ZNF331: variants seen among roughly 807,000 people sequenced by gnomAD.
ZNF331 encodes zinc finger protein 331.
A neutral mutation model predicts 7.0 loss-of-function variants in ZNF331; 2 were observed. The ratio of observed to expected loss-of-function variants is 0.29; its 90% confidence interval spans 0.12 to 0.90. The LOEUF is 0.90. Ranked by LOEUF, ZNF331 falls within the 40% of genes least tolerant of loss-of-function variation. ZNF331 has a pLI of 0.58. For synonymous variants in ZNF331, 196 were observed against 205.4 expected, an observed-to-expected ratio of 0.95 and a Z score of 0.39; for missense variants, 432 against 587.7, an observed-to-expected ratio of 0.74 and a Z score of 2.74.
Position 53,560,110 on chromosome 19 carries a change from A to G in ZNF331, c.-74+4202A>G, listed in dbSNP as rs1409933438. On this transcript the variant is annotated intron_variant, in intron 3 of 5. Transcript: ENST00000449416. This position sits in a 1 kb window ranked among gnomAD's most constrained non-coding sequence, Gnocchi z 4.3. ...ATATACACACATATACCCACACCAT[A>G]CACACACATATATACACACACCATA... Among the ~76,000 whole-genome samples, 1 of 151,242 alleles carries G rather than the reference A, an allele frequency of 6.6e-6. No homozygotes were observed. Among genetic ancestry groups the G allele is most frequent in the Non-Finnish European group, 1.5e-5 (1 of 67,846 alleles).
At chr19:53,525,372 C>G (rs536054325) in intron 2 of ZNF331, among the ~76,000 whole-genome samples, 2 of 152,170 alleles carry the variant, frequency 1.3e-5, no homozygotes, top group African/African-American at 4.8e-5. Context: ...GCCATTTTCA[C>G]GATATTGATT....
intron 3 of ZNF331, among the ~76,000 whole-genome samples, chr19:53,559,097 G>A (rs761086639): frequency 1.4e-4 from 19 of 136,660 alleles, no homozygotes; most frequent in Non-Finnish European, 2.9e-4. Context: ...CCTACATATA[G>A]AGACACATAT....
chr19:53,543,954 C>G (rs146521274), intron 2 of ZNF331, among the ~76,000 whole-genome samples: 1 of 152,116 alleles, frequency 6.6e-6, no homozygotes, highest in African/African-American at 2.4e-5. Flanking sequence ...TCAAGCCAGA[C>G]GCGGTGGCTC....
At chr19:53,508,386 C>A in the ZNF331 span, among the ~76,000 whole-genome samples, 2 of 152,154 alleles carry the variant, frequency 1.3e-5, no homozygotes, top group African/African-American at 4.8e-5. Context: ...CTTTTGGGAC[C>A]ATTTTCACTC....
chr19:53,551,657 A>G (rs1411286489), intron 2 of ZNF331, among the ~76,000 whole-genome samples: 1 of 152,190 alleles, frequency 6.6e-6, no homozygotes, highest in Non-Finnish European at 1.5e-5. Context: ...CCTTGGGAAA[A>G]AAAATAGGAG....
At chr19:53,525,750 A>G (rs2087270028) in intron 2 of ZNF331, among the ~76,000 whole-genome samples, 1 of 152,218 alleles carries the variant, frequency 6.6e-6, no homozygotes, top group Non-Finnish European at 1.5e-5. Flanking sequence ...CAGGAACAGT[A>G]TAACTTCTTC....
chr19:53,575,326 T>C (rs1022413077), intron 5 of ZNF331, among the ~76,000 whole-genome samples: 19 of 152,132 alleles, frequency 1.2e-4, no homozygotes, highest in Admixed American at 7.9e-4. Context: ...TATGAACTTA[T>C]AGATTTAAAC....
intron 3 of ZNF331, among the ~76,000 whole-genome samples, chr19:53,559,825 C>T (rs1465578177): frequency 4.6e-5 from 7 of 150,858 alleles, no homozygotes; most frequent in South Asian, 2.1e-4. Flanking sequence ...CCATAACACA[C>T]GTATATACAT....
chr19:53,567,230 A>G lies in ZNF331; in HGVS notation c.-73-2074A>G, dbSNP rs150290633. ...CAGATGTCACCTCTGGTATACAAAA[A>G]AAACAGTTCTGTATATTACCTGAGC... On this transcript the variant is annotated intron_variant, in intron 3 of 5. Coordinates refer to ENST00000449416, the MANE Select transcript of ZNF331 (RefSeq NM_001079906.2). Among the ~76,000 whole-genome samples the G allele has an allele frequency of 2.0e-3, 305 of 152,288 alleles. 1 individual carries two copies. The highest frequency in any genetic ancestry group is 1.9e-3 in the Non-Finnish European group (129 of 68,014).
At chr19:53,568,778 T>G (rs1329125511) in intron 3 of ZNF331, among the ~76,000 whole-genome samples, 1 of 147,614 alleles carries the variant, frequency 6.8e-6, no homozygotes, top group South Asian at 2.2e-4. Flanking sequence ...AAGTAAAGCC[T>G]CCTCTGCTGT....
chr19:53,549,707 AAAT>A (rs1476527562), intron 2 of ZNF331, among the ~76,000 whole-genome samples: 5 of 150,474 alleles, frequency 3.3e-5, no homozygotes, highest in Non-Finnish European at 5.9e-5. Context: ...AAAAAAAAAA[AAAT>A]TTTTTTTTAA....
intron 3 of ZNF331, among the ~76,000 whole-genome samples, chr19:53,562,020 C>T (rs12985531): frequency 0.32 from 47,944 of 151,810 alleles, 8,346 homozygotes; most frequent in South Asian, 0.55. Flanking sequence ...TGGTGGCGCG[C>T]GCCTGTAATC....
upstream of ZNF331, among the ~76,000 whole-genome samples, chr19:53,516,608 A>T (rs1000385610): frequency 6.6e-6 from 1 of 152,156 alleles, no homozygotes; most frequent in Non-Finnish European, 1.5e-5. Flanking sequence ...CCTAACACCC[A>T]GGAGGGTCCC....
At position 53,569,155 on chromosome 19, in the gene ZNF331, C is replaced by T; in HGVS notation, c.-73-149C>T. 1.2e-5 allele frequency: 6 copies of T among 516,128 alleles called. No individual in the cohort carries two copies. In the South Asian group the frequency reaches 1.4e-4, roughly 12 times the overall value. 32.0% of individuals were successfully genotyped at this position (516,128 alleles called of 1,614,324 possible). On this transcript the variant is annotated intron_variant, in intron 3 of 5. Transcript: ENST00000449416. ...ACAGGCGTGAGCCACCGCACCTGGCCTGATCCATGATACTCTTCACCTTTC... is the reference window on the plus strand; with the variant it reads ...ACAGGCGTGAGCCACCGCACCTGGCTTGATCCATGATACTCTTCACCTTTC...
At chr19:53,556,167 C>T (rs1335127959) in intron 3 of ZNF331, among the ~76,000 whole-genome samples, 1 of 149,190 alleles carries the variant, frequency 6.7e-6, no homozygotes, top group Non-Finnish European at 1.5e-5. Flanking sequence ...GGCGGGAACC[C>T]GGGAGGCGGA....
At chr19:53,568,045 T>C (rs887174047) in intron 3 of ZNF331, among the ~76,000 whole-genome samples, 1 of 151,940 alleles carries the variant, frequency 6.6e-6, no homozygotes, top group Non-Finnish European at 1.5e-5. Flanking sequence ...GGTCGGGAGT[T>C]TGAGACCAGC....
chr19:53,566,284 AGGTTTGGTTT>A (rs570144876), intron 3 of ZNF331, among the ~76,000 whole-genome samples: 2 of 151,894 alleles, frequency 1.3e-5, no homozygotes, highest in East Asian at 1.9e-4. Flanking sequence ...TGCTGGTGCA[AGGTTTGGTTT>A]GGTTTGGTTT....
chr19:53,506,462 C>CTG, the ZNF331 span, among the ~76,000 whole-genome samples: 307 of 137,368 alleles, frequency 2.2e-3, 3 homozygotes, highest in African/African-American at 8.2e-3. Context: ...CTCTCTCTCT[C>CTG]TCTCTCTCTC....
At chr19:53,543,504 C>T (rs897138452) in intron 2 of ZNF331, among the ~76,000 whole-genome samples, 22 of 150,984 alleles carry the variant, frequency 1.5e-4, no homozygotes, top group Non-Finnish European at 3.0e-4. Flanking sequence ...CCTCGTGATC[C>T]GATCCGCCTG....
Sources: allele counts gnomAD v4.1 joint callset (sites outside exome capture counted in the v4.1 genomes callset), GRCh38; gene constraint gnomAD v4.1.1; non-coding constraint Gnocchi (gnomAD v3.1); transcripts MANE v1.5; gene names NCBI Gene and HGNC (gene_info 2026-07-23, HGNC 2026-07-21).